The following PDE10A variants were observed in gnomAD, a reference collection of about 807,000 sequenced individuals.
PDE10A encodes the protein cAMP and cAMP-inhibited cGMP 3',5'-cyclic phosphodiesterase 10A.
A neutral mutation model predicts 97.7 loss-of-function variants in PDE10A; 39 were observed. That is an observed-to-expected ratio of 0.40 (90% CI 0.31 to 0.52). The LOEUF (loss-of-function observed/expected upper bound fraction) is 0.52, where lower values mean the gene tolerates loss of function less well. Ranked by LOEUF, PDE10A falls within the 20% of genes least tolerant of loss-of-function variation. The probability of loss-of-function intolerance (pLI) is 0.56; values close to 1 mark genes in which losing one functional copy is unlikely to be tolerated. For synonymous variants in PDE10A, 371 were observed against 376.8 expected (o/e 0.98, Z 0.18); for missense variants, 731 against 1,047.8 (o/e 0.70, Z 4.17).
In PDE10A at chr6:165,336,128, T is replaced by A. The variant is rs1244173158; in HGVS notation, c.3060A>T (p.Ala1020=). Residue 1020 remains alanine, a synonymous_variant, in exon 21 of 22, where the codon GCA becomes GCT. Transcript: ENST00000539869. ...GCTTGAACCATAGTACATACCTGCA[T>A]GCTTTCAGAAGAGGCTCCGTGGGAG... ...ILPPTEPLLK[A]CRDNLSQWEK... The A allele has an allele frequency of 6.2e-7, 1 of 1,609,896 alleles. No individual in the cohort carries two copies. The highest frequency in any genetic ancestry group is 2.2e-5 in the East Asian group (1 of 44,848).
chr6:165,432,237 G>C (rs1215572204), intron 7 of PDE10A, among the ~76,000 whole-genome samples: 1 of 152,204 alleles, frequency 6.6e-6, no homozygotes, highest in Non-Finnish European at 1.5e-5. Context: ...GAAGAAGAGA[G>C]AAAGAAACAT....
Position 165,329,964 on chromosome 6 carries a change from T to A in PDE10A, c.*3061A>T, listed in dbSNP as rs1402968626. 6.6e-6 allele frequency: 1 copy of A among 152,206 alleles called. No homozygotes were observed. The highest frequency in any genetic ancestry group is 1.5e-5 in the Non-Finnish European group (1 of 68,032). 9.4% of individuals were successfully genotyped at this position (152,206 alleles called of 1,614,324 possible). A position where few individuals can be genotyped will look rare whatever the true frequency, so the allele number is the denominator to read the frequency against. ...CTATTTTTTAGAATTAGTTTCCACA[T>A]CCATTGTATTTCTTTTGACCCTTTT... On this transcript the variant is annotated 3_prime_UTR_variant, in exon 22 of 22. Coordinates refer to ENST00000539869, the MANE Select transcript of PDE10A (RefSeq NM_001385079.1).
In PDE10A at chr6:165,819,533, C is replaced by T. The variant is rs1019890926; in HGVS notation, c.-615+167996G>A. The stretch of plus-strand genomic sequence containing the variant: ...GGTGCCGGCAGCCTCCTCCGACCTC[C>T]GAAGAGTGGTCATTGATTTGTCCTT... On this transcript the variant is annotated intron_variant, in intron 1 of 19. Transcript: ENST00000366882. This position sits in a 1 kb window ranked among gnomAD's most constrained non-coding sequence, Gnocchi z 4.2. 5.3e-5 allele frequency among the ~76,000 whole-genome samples: 8 copies of T among 152,154 alleles called. No homozygotes were observed. The highest frequency in any genetic ancestry group is 1.0e-4 in the Non-Finnish European group (7 of 68,018).
At chr6:165,604,612 T>C (rs116375623) in intron 1 of PDE10A, among the ~76,000 whole-genome samples, 226 of 151,944 alleles carry the variant, frequency 1.5e-3, no homozygotes, top group African/African-American at 5.2e-3. Context: ...TAAAAGTAGA[T>C]ATAAAGAAAT....
At chr6:165,488,889 C>T (rs1780071073) in intron 2 of PDE10A, among the ~76,000 whole-genome samples, 2 of 152,080 alleles carry the variant, frequency 1.3e-5, no homozygotes, top group Non-Finnish European at 2.9e-5. Context: ...AGGAACCACA[C>T]TCCCATCCCG....
chr6:165,450,134 A>G, intron 4 of PDE10A, 108 bp downstream of exon 4: 1 of 694,054 alleles, frequency 1.4e-6, no homozygotes, highest in Non-Finnish European at 2.4e-6. Context: ...CCAGAAATAG[A>G]AGTAAATATA....
At chr6:165,569,596 T>G (rs1044679458) in intron 1 of PDE10A, among the ~76,000 whole-genome samples, 1 of 152,210 alleles carries the variant, frequency 6.6e-6, no homozygotes, top group Non-Finnish European at 1.5e-5. Context: ...CAGTCTTCCC[T>G]CCGTTCAAAC....
chr6:165,416,395 G>A (rs919932794), intron 11 of PDE10A, 114 bp from the exon 12 acceptor site: 11 of 727,296 alleles, frequency 1.5e-5, no homozygotes, highest in Middle Eastern at 3.0e-4. Context: ...ACTTAAATGC[G>A]TGTATTACTT....
chr6:165,526,881 C>A (rs1345295869), intron 2 of PDE10A, among the ~76,000 whole-genome samples: 2 of 152,212 alleles, frequency 1.3e-5, no homozygotes, highest in African/African-American at 2.4e-5. Flanking sequence ...GAGTATATCA[C>A]CTCTCCGGCT....
chr6:165,484,352 G>A (rs191427702), intron 2 of PDE10A, among the ~76,000 whole-genome samples: 3 of 152,310 alleles, frequency 2.0e-5, no homozygotes, highest in East Asian at 3.9e-4. Flanking sequence ...GGTGAGCGGC[G>A]GCAAGCGGGC....
intron 3 of PDE10A, among the ~76,000 whole-genome samples, chr6:165,461,308 C>A (rs1222487193): frequency 6.6e-6 from 1 of 152,088 alleles, no homozygotes. Context: ...TTTAGCTGAG[C>A]AAGACTGTAA....
intron 1 of PDE10A, among the ~76,000 whole-genome samples, chr6:165,757,256 C>G (rs1013251412): frequency 1.3e-5 from 2 of 152,164 alleles, no homozygotes; most frequent in African/African-American, 4.8e-5. Flanking sequence ...AGCACCGTGC[C>G]CAGCCTAGGA....
At position 165,388,274 on chromosome 6, in the gene PDE10A, G is replaced by A. The variant is rs369648834; in HGVS notation, c.2610+24C>T. On this transcript the variant is annotated intron_variant, in intron 17 of 21. Coordinates refer to ENST00000539869, the MANE Select transcript of PDE10A (RefSeq NM_001385079.1). This position sits in a 1 kb window ranked among gnomAD's most constrained non-coding sequence, Gnocchi z 4.0. Reference sequence around the variant, plus strand: ...TCCCAGACAGCCCTTCAGACTAAGCGAGAGACGGCGTGCAGTGACTCACCT... The same window carrying A: ...TCCCAGACAGCCCTTCAGACTAAGCAAGAGACGGCGTGCAGTGACTCACCT... The A allele has an allele frequency of 1.5e-5, 24 of 1,611,678 alleles. No individual in the cohort carries two copies. The African/African-American group carries it at 1.9e-4, about 13-fold the overall frequency.
At chr6:165,838,069 G>A (rs1454817087) in intron 1 of PDE10A, among the ~76,000 whole-genome samples, 2 of 152,210 alleles carry the variant, frequency 1.3e-5, no homozygotes, top group Non-Finnish European at 2.9e-5. Context: ...CCTTCTGCCC[G>A]TGAACTAGAA....
chr6:165,419,875 A>G (rs1788572796), intron 10 of PDE10A, among the ~76,000 whole-genome samples: 1 of 152,244 alleles, frequency 6.6e-6, no homozygotes, highest in Non-Finnish European at 1.5e-5. Flanking sequence ...TATAAAATGT[A>G]TAGATTTAAT....
intron 1 of PDE10A, among the ~76,000 whole-genome samples, chr6:165,856,183 A>G (rs1198811523): frequency 6.6e-6 from 1 of 152,174 alleles, no homozygotes; most frequent in Admixed American, 6.5e-5. Context: ...GCTTAGACCC[A>G]GTGGATCTAA....
At chr6:165,805,115 G>C (rs574761543) in intron 1 of PDE10A, among the ~76,000 whole-genome samples, 73 of 149,290 alleles carry the variant, frequency 4.9e-4, no homozygotes, top group Middle Eastern at 7.5e-3. Context: ...GCAGAGGGGC[G>C]CATGGAGGGG....
At chr6:165,786,637 C>A (rs1204364048) in intron 1 of PDE10A, among the ~76,000 whole-genome samples, 5 of 152,144 alleles carry the variant, frequency 3.3e-5, no homozygotes, top group African/African-American at 1.2e-4. Context: ...AATCTCACCA[C>A]ATGGCACTTC....
chr6:165,747,764 G>T (rs1352322318), intron 1 of PDE10A, among the ~76,000 whole-genome samples: 1 of 152,190 alleles, frequency 6.6e-6, no homozygotes, highest in South Asian at 2.1e-4. Context: ...GCAGGACCTG[G>T]TGAAGGTCCA....
Sources: gnomAD v4.1 joint callset for allele counts (sites outside exome capture counted in the v4.1 genomes callset) on GRCh38, gnomAD v4.1.1 for gene constraint, Gnocchi (gnomAD v3.1) non-coding constraint, MANE v1.5 for transcripts, NCBI Gene and HGNC (gene_info 2026-07-23, HGNC 2026-07-21) for gene names.